Variants in TRHDE observed in about 807,000 individuals in gnomAD.
The protein encoded by TRHDE is thyrotropin releasing hormone degrading enzyme, also known as thyrotropin-releasing hormone-degrading ectoenzyme.
TRHDE carries 72 observed loss-of-function variants against 125.7 expected under a neutral mutation model. The observed-to-expected ratio is 0.57, with a 90% CI of 0.47 to 0.70. The LOEUF is 0.70. TRHDE is among the 30% of genes least tolerant of loss of function. TRHDE has a pLI of 0.00. For missense variants in TRHDE, 1,110 were observed against 1,327.1 expected, an observed-to-expected ratio of 0.84 and a Z score of 2.54; for synonymous variants, 509 against 509.1, an observed-to-expected ratio of 1.00 and a Z score of 0.00.
chr12:72,539,882 C>G (rs1445881960), intron 6 of TRHDE, among the ~76,000 whole-genome samples: 1 of 151,750 alleles, frequency 6.6e-6, no homozygotes, highest in African/African-American at 2.4e-5. Flanking sequence ...ACTCGGGCTT[C>G]CTAAATGTCC....
intron 3 of TRHDE, among the ~76,000 whole-genome samples, chr12:72,419,386 G>A (rs982072979): frequency 1.3e-5 from 2 of 152,162 alleles, no homozygotes; most frequent in African/African-American, 4.8e-5. Context: ...AAAGAACAGA[G>A]GTTTTTTGGC....
intron 6 of TRHDE, among the ~76,000 whole-genome samples, chr12:72,507,718 T>G (rs1310533986): frequency 6.6e-6 from 1 of 152,224 alleles, no homozygotes. Flanking sequence ...TGTAGAAATG[T>G]GCATAAGAAG....
At chr12:72,387,102 G>C (rs1268570897) in intron 3 of TRHDE, among the ~76,000 whole-genome samples, 3 of 152,062 alleles carry the variant, frequency 2.0e-5, no homozygotes, top group African/African-American at 7.2e-5. Flanking sequence ...TCTCCAGCCT[G>C]GTTCTTTCTC....
At chr12:72,402,861 A>C (rs1030936408) in intron 3 of TRHDE, among the ~76,000 whole-genome samples, 1 of 152,168 alleles carries the variant, frequency 6.6e-6, no homozygotes, top group Admixed American at 6.5e-5. Flanking sequence ...TCTGACTCTC[A>C]TATGGTGGAG....
intron 3 of TRHDE, among the ~76,000 whole-genome samples, chr12:72,460,425 A>G (rs1449399117): frequency 6.6e-6 from 1 of 151,932 alleles, no homozygotes; most frequent in African/African-American, 2.4e-5. Flanking sequence ...GTGTGTCTAT[A>G]ATATGTATGC....
intron 2 of TRHDE, among the ~76,000 whole-genome samples, chr12:72,301,170 T>C (rs991944992): frequency 2.6e-5 from 4 of 152,146 alleles, no homozygotes; most frequent in Non-Finnish European, 5.9e-5. Flanking sequence ...GTAAATCTTT[T>C]AAATGGCAAG....
intron 2 of TRHDE, among the ~76,000 whole-genome samples, chr12:72,332,816 T>A (rs564829304): frequency 1.2e-4 from 18 of 152,182 alleles, no homozygotes; most frequent in Non-Finnish European, 2.1e-4. Context: ...GGGCATCATC[T>A]CGGAGTTTGT....
intron 2 of TRHDE, among the ~76,000 whole-genome samples, chr12:72,329,769 G>GC (rs1869501293): frequency 6.6e-6 from 1 of 152,150 alleles, no homozygotes; most frequent in South Asian, 2.1e-4. Context: ...TGAAATTATG[G>GC]CTTATTTATC....
intron 3 of TRHDE, among the ~76,000 whole-genome samples, chr12:72,429,653 TGAGGG>T (rs2135839146): frequency 6.6e-6 from 1 of 152,176 alleles, no homozygotes; most frequent in African/African-American, 2.4e-5. Flanking sequence ...CCACCAGTAT[TGAGGG>T]TTCCAATTTT....
intron 14 of TRHDE, 27 bp from the exon 15 acceptor site, chr12:72,621,617 A>T (rs1873054795): frequency 6.6e-7 from 1 of 1,517,676 alleles, no homozygotes; most frequent in African/African-American, 1.4e-5. Flanking sequence ...TTTCTTTTTA[A>T]TTTGTTTCCC....
intron 2 of TRHDE, chr12:72,137,334 G>A (rs1453807965): frequency 5.9e-5 from 9 of 152,198 alleles, no homozygotes; most frequent in Non-Finnish European, 4.4e-5. Context: ...AAACCTTGAG[G>A]TTCTCAGCCT....
At chr12:72,628,783 TTTA>T (rs1298151944) in intron 15 of TRHDE, among the ~76,000 whole-genome samples, 2 of 151,924 alleles carry the variant, frequency 1.3e-5, no homozygotes, top group African/African-American at 2.4e-5. Flanking sequence ...TGCTACCTGG[TTTA>T]TTATTTGTAT....
chr12:72,446,042 G>T (rs9645830), intron 3 of TRHDE, among the ~76,000 whole-genome samples: 1 of 151,446 alleles, frequency 6.6e-6, no homozygotes, highest in Non-Finnish European at 1.5e-5. Flanking sequence ...TAATTGGTCC[G>T]TGCGCTAGAC....
intron 3 of TRHDE, among the ~76,000 whole-genome samples, chr12:72,451,510 G>A (rs932471608): frequency 2.0e-5 from 3 of 152,104 alleles, no homozygotes; most frequent in Non-Finnish European, 4.4e-5. Flanking sequence ...CAGCACTTTG[G>A]TGTTTTTATT....
chr12:72,175,129 C>A lies in TRHDE; in HGVS notation n.279+69377C>A, dbSNP rs769265177. On this transcript the variant is annotated intron_variant and non_coding_transcript_variant, in intron 2 of 4. Coordinates refer to the TRHDE transcript ENST00000548156. The stretch of plus-strand genomic sequence containing the variant: ...CATGTTGAATAGTTGAAACTTTATG[C>A]TCAGTGATTAGCAATTCCCCTTTTT... Among the ~76,000 whole-genome samples the A allele has an allele frequency of 9.5e-4, 145 of 152,122 alleles. 1 individual carries two copies. Among genetic ancestry groups the A allele is most frequent in the Non-Finnish European group, 1.5e-3 (101 of 68,014 alleles).
chr12:72,429,722 T>A (rs1440956226), intron 3 of TRHDE, among the ~76,000 whole-genome samples: 1 of 152,106 alleles, frequency 6.6e-6, no homozygotes, highest in Non-Finnish European at 1.5e-5. Flanking sequence ...ATAGCCTACT[T>A]AGTGTAAAGT....
chr12:72,188,437 C>T (rs1487724866), intron 2 of TRHDE, among the ~76,000 whole-genome samples: 1 of 152,114 alleles, frequency 6.6e-6, no homozygotes, highest in Non-Finnish European at 1.5e-5. Context: ...TGTTTCAGAC[C>T]AAATTATTTA....
chr12:72,334,047 C>T (rs1869723319), intron 2 of TRHDE, among the ~76,000 whole-genome samples: 1 of 151,694 alleles, frequency 6.6e-6, no homozygotes, highest in Admixed American at 6.5e-5. Context: ...ACTCTCTCTT[C>T]TTTTAATTCT....
rs1877976978 is a variant in TRHDE, at chr12:72,220,294, T to C, written n.279+114542T>C. ...TTCTTAATGCTTGTTTTGGTCATGT[T>C]ATCTTTTTGTTGAAAAACTGACATA... On this transcript the variant is annotated intron_variant and non_coding_transcript_variant, in intron 2 of 4. Coordinates refer to the TRHDE transcript ENST00000548156. 2.6e-5 allele frequency among the ~76,000 whole-genome samples: 4 copies of C among 152,188 alleles called. No individual in the cohort carries two copies. The South Asian group carries it at 8.3e-4, about 31-fold the overall frequency.
Sources: gnomAD v4.1 joint callset for allele counts (sites outside exome capture counted in the v4.1 genomes callset) on GRCh38, gnomAD v4.1.1 for gene constraint, MANE v1.5 for transcripts, NCBI Gene and HGNC (gene_info 2026-07-23, HGNC 2026-07-21) for gene names.